The following SCN7A variants were observed in gnomAD, a reference collection of about 807,000 sequenced individuals.
The protein encoded by SCN7A is sodium channel protein type 7 subunit alpha.
In SCN7A, 138 loss-of-function variants were observed where a neutral mutation model predicts 155.2. The observed-to-expected ratio is 0.89, with a 90% CI of 0.77 to 1.02. The LOEUF is 1.02. Ranked by LOEUF, SCN7A falls within the 50% of genes least tolerant of loss-of-function variation. The pLI, the probability that SCN7A is intolerant of heterozygous loss-of-function variation, is 0.00. For missense variants in SCN7A, 2,058 were observed against 1,986.6 expected (o/e 1.04, Z -0.68); for synonymous variants, 693 against 649.0 (o/e 1.07, Z -1.03).
chr2:166,432,684 A>T lies in SCN7A; in HGVS notation c.2226T>A (p.Asn742Lys). The T allele has an allele frequency of 6.2e-7, 1 of 1,603,016 alleles. No homozygotes were observed. The highest frequency in any genetic ancestry group is 1.1e-5 in the South Asian group (1 of 88,520). ...CAAGCTGGAGATTTTTTGCTTCATT[A>T]TTCTCTTCAGCTGTTACATCCTTGC... is the stretch of plus-strand genomic sequence containing the variant. ...SSCKDVTAEE[N>K]NEAKNLQLAV... The change falls in exon 16 of 26, where the codon AAT (asparagine) becomes AAA (lysine). Residue 742 changes from asparagine to lysine, a missense_variant. Physicochemically the swap from Asn to Lys is moderately conservative, Grantham distance 94 (BLOSUM62 0). Transcript: ENST00000643258.
intron 9 of SCN7A, 100 bp from the exon 10 acceptor site, chr2:166,462,630 C>A: frequency 9.5e-7 from 1 of 1,052,100 alleles, no homozygotes; most frequent in Admixed American, 2.6e-5. Flanking sequence ...ATAGAGAACT[C>A]ACGCTTCCAC....
intron 20 of SCN7A, among the ~76,000 whole-genome samples, chr2:166,420,308 T>C (rs1188414309): frequency 2.0e-5 from 3 of 152,092 alleles, no homozygotes; most frequent in Non-Finnish European, 4.4e-5. Context: ...TTAATAATTT[T>C]CTCACTGGAT....
chr2:166,427,584 A>C (rs1168952571), intron 18 of SCN7A, among the ~76,000 whole-genome samples: 1 of 151,964 alleles, frequency 6.6e-6, no homozygotes, highest in Non-Finnish European at 1.5e-5. Flanking sequence ...ATCAATATTA[A>C]ATTTAATATT....
At chr2:166,442,456 T>C (rs986646430) in intron 14 of SCN7A, among the ~76,000 whole-genome samples, 2 of 152,102 alleles carry the variant, frequency 1.3e-5, no homozygotes, top group African/African-American at 4.8e-5. Flanking sequence ...AGCACAATCA[T>C]AGCTCACTGC....
In SCN7A at chr2:166,462,931, G is replaced by C. The variant is rs187897582; in HGVS notation, c.942-401C>G. Among the ~76,000 whole-genome samples the C allele has an allele frequency of 2.9e-3, 439 of 152,180 alleles. 6 individuals are homozygous for C. The highest frequency in any genetic ancestry group is 9.8e-3 in the African/African-American group (405 of 41,520). On this transcript the variant is annotated intron_variant, in intron 9 of 25. Coordinates refer to ENST00000643258, the MANE Select transcript of SCN7A (RefSeq NM_002976.4). ...TCACATACTTATTTTTTTGTGGTGA[G>C]AATACTTTAAATCTATCGTCTTATC...
chr2:166,458,762 C>G (rs1417539022), intron 10 of SCN7A, among the ~76,000 whole-genome samples: 2 of 152,128 alleles, frequency 1.3e-5, no homozygotes, highest in East Asian at 3.9e-4. Context: ...ATAGGCTATA[C>G]TATATAGCCT....
chr2:166,425,062 G>C (rs1225872043), intron 18 of SCN7A, among the ~76,000 whole-genome samples: 1 of 152,118 alleles, frequency 6.6e-6, no homozygotes, highest in Non-Finnish European at 1.5e-5. Context: ...GAGTGGAATA[G>C]AGATATAAAT....
chr2:166,465,518 A>G lies in SCN7A; in HGVS notation c.885T>C (p.Phe295=), dbSNP rs764284098. 9 of 1,602,180 alleles carry G rather than the reference A, an allele frequency of 5.6e-6. No homozygotes were observed. The highest frequency in any genetic ancestry group is 3.4e-5 in the Admixed American group (2 of 58,636). The part of the protein sequence containing the change: ...NPYYIRETEN[F]YYLEGERYAL... ...CATATCTTTCTCCTTCCAAATAATA[A>G]AAGTTTTCTGTTTCTGAAAAACAGG... is the stretch of plus-strand genomic sequence containing the variant. Residue 295 remains phenylalanine (F), a synonymous_variant, in exon 9 of 26, where the codon TTT becomes TTC. Coordinates refer to ENST00000643258, the MANE Select transcript of SCN7A (RefSeq NM_002976.4).
chr2:166,429,690 A>G lies in SCN7A; in HGVS notation c.2593-416T>C, dbSNP rs192348540. Among the ~76,000 whole-genome samples the G allele has an allele frequency of 1.4e-3, 219 of 152,174 alleles. 2 individuals are homozygous for G. The highest frequency in any genetic ancestry group is 5.0e-3 in the African/African-American group (209 of 41,556). ...ATCCCTTGATGCTAAAGATGGGTAGATAATAGTGCACCTAGGTTTCATTGT... is the reference window on the plus strand; with the variant it reads ...ATCCCTTGATGCTAAAGATGGGTAGGTAATAGTGCACCTAGGTTTCATTGT... On this transcript the variant is annotated intron_variant, in intron 16 of 25. Coordinates refer to ENST00000643258, the MANE Select transcript of SCN7A (RefSeq NM_002976.4).
At chr2:166,478,130 T>C (rs1406957801) in intron 2 of SCN7A, among the ~76,000 whole-genome samples, 1 of 151,748 alleles carries the variant, frequency 6.6e-6, no homozygotes, top group Non-Finnish European at 1.5e-5. Context: ...CTCTTCCATG[T>C]CTCTTTTTGT....
chr2:166,492,047 G>C (rs1355825987), intron 1 of SCN7A, among the ~76,000 whole-genome samples: 1 of 151,882 alleles, frequency 6.6e-6, no homozygotes, highest in Non-Finnish European at 1.5e-5. Context: ...AGTATGCTTT[G>C]GACAGGTATT....
In SCN7A at chr2:166,477,504, G is replaced by A. The variant is rs1329869755; in HGVS notation, c.193C>T (p.Pro65Ser). 6.4e-7 allele frequency: 1 copy of A among 1,553,794 alleles called. No homozygotes were observed. The highest frequency in any genetic ancestry group is 8.7e-7 in the Non-Finnish European group (1 of 1,147,432). Residue 65 changes from proline to serine, a missense_variant, in exon 3 of 26, where the codon CCC (proline) becomes TCC (serine). Transcript: ENST00000643258. ...TAATATGGGTCCACATCTTCCAAGG[G>A]CTCTGACACCATTCCTTGAGAAAGG... Reference protein sequence around the residue: ...GNLSQGMVSEPLEDVDPYYYK... With the variant: ...GNLSQGMVSESLEDVDPYYYK...
In SCN7A at chr2:166,404,970, A is replaced by C. The variant is rs1701034623; in HGVS notation, c.*610T>G. The C allele has an allele frequency of 6.6e-6, 1 of 151,940 alleles. No individual in the cohort carries two copies. Among genetic ancestry groups the C allele is most frequent in the African/African-American group, 2.4e-5 (1 of 41,410 alleles). 9.4% of individuals were successfully genotyped at this position (151,940 alleles called of 1,614,324 possible). On this transcript the variant is annotated 3_prime_UTR_variant, in exon 26 of 26. Coordinates refer to ENST00000643258, the MANE Select transcript of SCN7A (RefSeq NM_002976.4). ...GCACAATGAAATCCTATTCATTCCC[A>C]GTTCCAAATGAAAACAAGAACATAC...
intron 10 of SCN7A, among the ~76,000 whole-genome samples, chr2:166,458,424 C>G (rs900968289): frequency 2.0e-5 from 3 of 151,786 alleles, no homozygotes; most frequent in Non-Finnish European, 2.9e-5. Flanking sequence ...TTCAACCAAC[C>G]ACGCATCAAA....
intron 1 of SCN7A, 41 bp downstream of exon 1, chr2:166,493,927 C>T (rs1020111155): frequency 1.3e-5 from 2 of 152,550 alleles, no homozygotes. Context: ...CGGCTATCAC[C>T]ATTCTGGGAC....
intron 13 of SCN7A, among the ~76,000 whole-genome samples, chr2:166,444,378 T>C (rs1273422007): frequency 3.3e-5 from 5 of 152,146 alleles, no homozygotes; most frequent in Admixed American, 3.3e-4. Context: ...TTAATCAGAA[T>C]TAAGAATTCA....
intron 10 of SCN7A, among the ~76,000 whole-genome samples, chr2:166,460,845 G>C (rs1394795124): frequency 6.6e-6 from 1 of 152,024 alleles, no homozygotes; most frequent in African/African-American, 2.4e-5. Context: ...TATATATCAT[G>C]CATATAGAGT....
intron 11 of SCN7A, among the ~76,000 whole-genome samples, chr2:166,453,645 T>C (rs1163357367): frequency 1.3e-5 from 2 of 152,200 alleles, no homozygotes; most frequent in South Asian, 4.1e-4. Context: ...TTGGCAAACA[T>C]CATTCATCTA....
At chr2:166,435,310 CA>C (rs557377760) in intron 15 of SCN7A, among the ~76,000 whole-genome samples, 78 of 151,978 alleles carry the variant, frequency 5.1e-4, no homozygotes, top group African/African-American at 1.7e-3. Flanking sequence ...TGAGCATTAA[CA>C]AAAAAGAGAG....
Sources: gnomAD v4.1 joint callset for allele counts (sites outside exome capture counted in the v4.1 genomes callset) on GRCh38, gnomAD v4.1.1 for gene constraint, MANE v1.5 for transcripts, NCBI Gene and HGNC (gene_info 2026-07-23, HGNC 2026-07-21) for gene names.